ADGRV1: variants seen among roughly 807,000 people sequenced by gnomAD.
ADGRV1 encodes the protein G-protein coupled receptor 98.
ADGRV1 carries 359 observed loss-of-function variants against 596.2 expected under a neutral mutation model. That is an observed-to-expected ratio of 0.60 (90% CI 0.55 to 0.66). The LOEUF is 0.66. Ranked by LOEUF, ADGRV1 falls within the 30% of genes least tolerant of loss-of-function variation. The probability of loss-of-function intolerance (pLI) is 0.00; values close to 1 mark genes in which losing one functional copy is unlikely to be tolerated. For synonymous variants in ADGRV1, 2,681 were observed against 2,679.2 expected (o/e 1.00, Z -0.02); for missense variants, 7,274 against 7,575.6 (o/e 0.96, Z 1.48).
At chr5:91,059,080 A>G (rs906594785) in intron 85 of ADGRV1, among the ~76,000 whole-genome samples, 2 of 152,132 alleles carry the variant, frequency 1.3e-5, no homozygotes, top group Admixed American at 1.3e-4. Flanking sequence ...TGTATACTGT[A>G]TACATAGGAG....
intron 82 of ADGRV1, among the ~76,000 whole-genome samples, chr5:90,863,048 A>G (rs1041232605): frequency 6.6e-6 from 1 of 152,250 alleles, no homozygotes; most frequent in Non-Finnish European, 1.5e-5. Flanking sequence ...TCCTTAGACA[A>G]AATAACCCTA....
At chr5:90,808,068 T>C (rs1384251596) in intron 73 of ADGRV1, among the ~76,000 whole-genome samples, 2 of 152,170 alleles carry the variant, frequency 1.3e-5, no homozygotes, top group African/African-American at 4.8e-5. Flanking sequence ...CCCCAAGTGA[T>C]TAAGAGTAAG....
chr5:90,856,551 C>G (rs538162914), intron 82 of ADGRV1, among the ~76,000 whole-genome samples: 1 of 152,162 alleles, frequency 6.6e-6, no homozygotes, highest in African/African-American at 2.4e-5. Flanking sequence ...ATTCCTTAAA[C>G]TATAATTCTA....
chr5:90,909,061 G>A (rs1184747354), intron 83 of ADGRV1, among the ~76,000 whole-genome samples: 5 of 152,140 alleles, frequency 3.3e-5, no homozygotes, highest in Admixed American at 3.3e-4. Flanking sequence ...CCTTTCCTTG[G>A]TCCCTTCTTA....
chr5:90,925,067 A>C (rs1024673847), intron 83 of ADGRV1, among the ~76,000 whole-genome samples: 2 of 151,984 alleles, frequency 1.3e-5, no homozygotes, highest in Non-Finnish European at 2.9e-5. Context: ...AGGTAGTGTG[A>C]TGCCTCCAGC....
At chr5:90,946,548 T>C (rs538106492) in intron 83 of ADGRV1, among the ~76,000 whole-genome samples, 66 of 152,262 alleles carry the variant, frequency 4.3e-4, no homozygotes, top group African/African-American at 1.5e-3. Flanking sequence ...GCTACACTTA[T>C]CAACCCATCA....
chr5:90,964,060 A>G (rs1436517579), intron 83 of ADGRV1, among the ~76,000 whole-genome samples: 2 of 152,062 alleles, frequency 1.3e-5, no homozygotes, highest in African/African-American at 2.4e-5. Context: ...TGAATTTACC[A>G]CAGGGATGCT....
At position 90,967,908 on chromosome 5, in the gene ADGRV1, G is replaced by A. The variant is rs184927521; in HGVS notation, c.17973+2377G>A. 7.6e-4 allele frequency among the ~76,000 whole-genome samples: 116 copies of A among 152,278 alleles called. 1 individual carries two copies. Among genetic ancestry groups the A allele is most frequent in the Middle Eastern group, 3.4e-3 (1 of 294 alleles). On this transcript the variant is annotated intron_variant, in intron 84 of 89. Coordinates refer to ENST00000405460, the MANE Select transcript of ADGRV1 (RefSeq NM_032119.4). ...CAAAAACAACACACACCTAGGTTGCGTTGATAGCAGTATGGAAGCAGACAT... is the reference window on the plus strand; with the variant it reads ...CAAAAACAACACACACCTAGGTTGCATTGATAGCAGTATGGAAGCAGACAT...
chr5:91,013,038 C>T (rs1427789842), intron 85 of ADGRV1, among the ~76,000 whole-genome samples: 1 of 151,900 alleles, frequency 6.6e-6, no homozygotes, highest in African/African-American at 2.4e-5. Context: ...TCCTTGTTCC[C>T]ACAAGAAAAA....
chr5:91,131,427 T>TG (rs1794203895), intron 87 of ADGRV1, among the ~76,000 whole-genome samples: 1 of 151,868 alleles, frequency 6.6e-6, no homozygotes, highest in Non-Finnish European at 1.5e-5. Context: ...TTTGGGTTTT[T>TG]TTTTTTTTTT....
chr5:91,107,200 A>G (rs974031399), intron 87 of ADGRV1, among the ~76,000 whole-genome samples: 437 of 152,300 alleles, frequency 2.9e-3, no homozygotes, highest in African/African-American at 1.0e-2. Flanking sequence ...TGAGAAAAAA[A>G]AGTGAAATAG....
chr5:90,901,086 T>G (rs1280370812), intron 83 of ADGRV1, among the ~76,000 whole-genome samples: 2 of 152,144 alleles, frequency 1.3e-5, no homozygotes. Context: ...ATCTTGGTTT[T>G]GTAAAGTCCA....
intron 83 of ADGRV1, among the ~76,000 whole-genome samples, chr5:90,946,437 A>G (rs1421128096): frequency 6.6e-6 from 1 of 152,098 alleles, no homozygotes; most frequent in Non-Finnish European, 1.5e-5. Flanking sequence ...GTGTGGCTAT[A>G]CTTATTGGTT....
At chr5:90,853,201 T>G in intron 79 of ADGRV1, 83 bp from the exon 80 acceptor site, 4 of 1,294,304 alleles carry the variant, frequency 3.1e-6, no homozygotes, top group Admixed American at 2.3e-5. Context: ...AGAATCCAAG[T>G]GTAATGCACT....
intron 74 of ADGRV1, among the ~76,000 whole-genome samples, chr5:90,813,161 A>G (rs1267774254): frequency 1.1e-5 from 1 of 90,706 alleles, no homozygotes; most frequent in African/African-American, 3.4e-5. Context: ...AAAAAAAAAA[A>G]AAATTTATTT....
At chr5:90,643,440 G>A (rs1031313175) in intron 13 of ADGRV1, among the ~76,000 whole-genome samples, 5 of 151,994 alleles carry the variant, frequency 3.3e-5, no homozygotes, top group African/African-American at 1.2e-4. Context: ...TATATTAATG[G>A]AACCAGGTAT....
At chr5:90,754,053 G>A (rs1475766133) in intron 54 of ADGRV1, among the ~76,000 whole-genome samples, 4 of 152,038 alleles carry the variant, frequency 2.6e-5, no homozygotes, top group Non-Finnish European at 4.4e-5. Flanking sequence ...CATTATATTA[G>A]AAATATTAAT....
intron 86 of ADGRV1, among the ~76,000 whole-genome samples, chr5:91,073,687 T>C (rs759936172): frequency 3.8e-4 from 58 of 152,308 alleles, no homozygotes; most frequent in Non-Finnish European, 7.2e-4. Context: ...CATGCAATCA[T>C]TGTGTTGGCA....
intron 86 of ADGRV1, among the ~76,000 whole-genome samples, chr5:91,080,766 G>A (rs191070024): frequency 4.8e-4 from 73 of 151,826 alleles, no homozygotes; most frequent in African/African-American, 1.4e-3. Flanking sequence ...ATTTAATTTC[G>A]TACAGTTGTG....
Sources: gnomAD v4.1 joint callset for allele counts (sites outside exome capture counted in the v4.1 genomes callset) on GRCh38, gnomAD v4.1.1 for gene constraint, MANE v1.5 for transcripts, NCBI Gene and HGNC (gene_info 2026-07-23, HGNC 2026-07-21) for gene names.